Variants in UMAD1 observed in about 807,000 individuals in gnomAD.
The protein encoded by UMAD1 is UBAP1-MVB12-associated (UMA)-domain containing protein 1.
A neutral mutation model predicts 6.1 loss-of-function variants in UMAD1; 8 were observed. The observed-to-expected ratio is 1.30, with a 90% confidence interval of 0.76 to 2.35. UMAD1 has a LOEUF of 2.35. Among genes scored for constraint, UMAD1 ranks in the 30% most tolerant of loss-of-function variants. The pLI is 0.00. For synonymous variants in UMAD1, 56 were observed against 31.4 expected (o/e 1.78, Z -2.61); for missense variants, 130 against 78.4 (o/e 1.66, Z -2.49).
intron 2 of UMAD1, among the ~76,000 whole-genome samples, chr7:7,768,269 C>A (rs75853684): frequency 0.013 from 1,919 of 152,180 alleles, 20 homozygotes; most frequent in Non-Finnish European, 0.021. Flanking sequence ...GAAAAGCAGC[C>A]TTCATTCTTC....
intron 2 of UMAD1, among the ~76,000 whole-genome samples, chr7:7,758,969 TGG>T (rs1781832323): frequency 6.6e-6 from 1 of 152,182 alleles, no homozygotes; most frequent in East Asian, 1.9e-4. Flanking sequence ...ATGAGTTCTT[TGG>T]GGACTAGTCA....
rs537691036 is a variant in UMAD1, at chr7:7,708,940, A to T, written c.82+35487A>T. Among the ~76,000 whole-genome samples, 47 of 150,402 alleles carry T rather than the reference A, an allele frequency of 3.1e-4. 1 individual carries two copies. The highest frequency in any genetic ancestry group is 1.2e-3 in the Admixed American group (18 of 15,060). ...GTGTTTGTGTGTCTGTGTGTGTGTG[A>T]GAGAGAGAGAGGGAGAGAGAGAGAA... On this transcript the variant is annotated intron_variant, in intron 2 of 3. Transcript: ENST00000682710.
chr7:7,726,805 C>CT (rs1378884240), intron 2 of UMAD1, among the ~76,000 whole-genome samples: 2 of 152,292 alleles, frequency 1.3e-5, no homozygotes, highest in Admixed American at 6.5e-5. Flanking sequence ...CACCTCCCAC[C>CT]TTTAAGTCAA....
At chr7:7,759,072 A>T (rs148021074) in intron 2 of UMAD1, among the ~76,000 whole-genome samples, 257 of 152,312 alleles carry the variant, frequency 1.7e-3, no homozygotes, top group African/African-American at 5.5e-3. Flanking sequence ...TTTAAACTGG[A>T]TAGCTTGAAT....
At chr7:7,847,100 AAAAAATAT>A (rs1289628003) in intron 3 of UMAD1, among the ~76,000 whole-genome samples, 5 of 38,428 alleles carry the variant, frequency 1.3e-4, no homozygotes, top group African/African-American at 1.8e-4. Context: ...AAAAAAAAAA[AAAAAATAT>A]ATATATATAT....
intron 3 of UMAD1, among the ~76,000 whole-genome samples, chr7:7,861,210 T>C (rs1220056426): frequency 5.3e-5 from 8 of 152,210 alleles, no homozygotes; most frequent in Non-Finnish European, 1.2e-4. Context: ...GGCCACTGAA[T>C]TGTACACTTA....
At chr7:7,689,405 A>G (rs1188835460) in intron 2 of UMAD1, 1 of 152,168 alleles carries the variant, frequency 6.6e-6, no homozygotes, top group African/African-American at 2.4e-5. Context: ...CCATGATGAC[A>G]TTGTTGAACT....
At chr7:7,669,770 T>C (rs1360630294) in intron 1 of UMAD1, among the ~76,000 whole-genome samples, 1 of 152,186 alleles carries the variant, frequency 6.6e-6, no homozygotes, top group South Asian at 2.1e-4. Flanking sequence ...ACTGATGCCT[T>C]TGTAATAATT....
chr7:7,744,604 T>A (rs1781534930), intron 2 of UMAD1, among the ~76,000 whole-genome samples: 1 of 151,940 alleles, frequency 6.6e-6, no homozygotes, highest in African/African-American at 2.4e-5. Flanking sequence ...TTTTTTTTTT[T>A]TTTTTATTAT....
rs543508730 is a variant in UMAD1, at chr7:7,757,772, A to C, written c.83-43898A>C. Among the ~76,000 whole-genome samples the C allele has an allele frequency of 2.0e-4, 31 of 152,276 alleles. 1 individual carries two copies. The highest frequency in any genetic ancestry group is 6.8e-3 in the Middle Eastern group (2 of 294). On this transcript the variant is annotated intron_variant, in intron 2 of 3. Transcript: ENST00000682710. ...GGGATGTTGTGTGGATTAAGTAGAG[A>C]ATGCAGAGAATGCAGAAAAAGCTCA...
At chr7:7,750,787 A>G (rs181450498) in intron 2 of UMAD1, among the ~76,000 whole-genome samples, 3 of 152,342 alleles carry the variant, frequency 2.0e-5, no homozygotes, top group Admixed American at 6.5e-5. Context: ...AAACCCAGTC[A>G]GTTTGGCTGC....
chr7:7,795,863 C>T (rs1333949139), intron 2 of UMAD1, among the ~76,000 whole-genome samples: 1 of 152,174 alleles, frequency 6.6e-6, no homozygotes, highest in African/African-American at 2.4e-5. Context: ...TTTACTGCAT[C>T]TTCATTTATC....
chr7:7,734,296 G>A (rs936310711), intron 2 of UMAD1, among the ~76,000 whole-genome samples: 3 of 152,114 alleles, frequency 2.0e-5, no homozygotes, highest in East Asian at 1.9e-4. Flanking sequence ...TAGTGTGGAC[G>A]TGAATCTTCT....
intron 3 of UMAD1, among the ~76,000 whole-genome samples, chr7:7,846,693 C>T (rs547532653): frequency 7.3e-5 from 11 of 151,682 alleles, no homozygotes; most frequent in Non-Finnish European, 1.0e-4. Context: ...GTTAGATTGT[C>T]GAAACCAATA....
intron 3 of UMAD1, among the ~76,000 whole-genome samples, chr7:7,804,968 G>A (rs1433045861): frequency 6.9e-6 from 1 of 145,820 alleles, no homozygotes; most frequent in Non-Finnish European, 1.5e-5. Context: ...GCGACAGAGC[G>A]GAACTCCTTC....
At chr7:7,743,583 G>A (rs964669455) in intron 2 of UMAD1, among the ~76,000 whole-genome samples, 3 of 151,762 alleles carry the variant, frequency 2.0e-5, no homozygotes, top group Non-Finnish European at 2.9e-5. Flanking sequence ...CTTATAACAC[G>A]TTTTAGATGT....
At chr7:7,681,739 G>A (rs371308563) in intron 2 of UMAD1, among the ~76,000 whole-genome samples, 2 of 151,992 alleles carry the variant, frequency 1.3e-5, no homozygotes, top group Non-Finnish European at 2.9e-5. Flanking sequence ...GGCACTATTC[G>A]TAATTACCAG....
chr7:7,864,304 T>G (rs1302026697), intron 3 of UMAD1, among the ~76,000 whole-genome samples: 2 of 152,162 alleles, frequency 1.3e-5, no homozygotes, highest in African/African-American at 4.8e-5. Context: ...TAGTAAACAC[T>G]GAAATAAATG....
intron 3 of UMAD1, among the ~76,000 whole-genome samples, chr7:7,858,383 G>A (rs979431964): frequency 6.6e-6 from 1 of 152,150 alleles, no homozygotes; most frequent in Non-Finnish European, 1.5e-5. Flanking sequence ...CAACTCACCT[G>A]CAAAGAGGGC....
Sources: allele counts gnomAD v4.1 joint callset (sites outside exome capture counted in the v4.1 genomes callset), GRCh38; gene constraint gnomAD v4.1.1; transcripts MANE v1.5; gene names NCBI Gene and HGNC (gene_info 2026-07-23, HGNC 2026-07-21).